The following KATNIP variants were observed in gnomAD, a reference collection of about 807,000 sequenced individuals.
KATNIP encodes katanin-interacting protein.
A neutral mutation model predicts 174.0 loss-of-function variants in KATNIP; 126 were observed. The observed-to-expected ratio is 0.72, with a 90% CI of 0.63 to 0.84. The LOEUF (loss-of-function observed/expected upper bound fraction) is 0.84. Ranked by LOEUF, KATNIP falls within the 40% of genes least tolerant of loss-of-function variation. The pLI, the probability that KATNIP is intolerant of heterozygous loss-of-function variation, is 0.00. For synonymous variants in KATNIP, 810 were observed against 835.7 expected (o/e 0.97, Z 0.53); for missense variants, 1,958 against 2,109.7 (o/e 0.93, Z 1.41).
At position 27,710,272 on chromosome 16, in the gene KATNIP, C is replaced by T. The variant is rs55865397; in HGVS notation, c.1605+1352C>T. The stretch of plus-strand genomic sequence containing the variant: ...CTACTTGAGGCTGAGCCAGGAGAGT[C>T]GCTTGAACCTGGGAGGGGAGGTTGC... On this transcript the variant is annotated intron_variant, in intron 13 of 27. Transcript: ENST00000261588. Among the ~76,000 whole-genome samples, 385 of 152,204 alleles carry T rather than the reference C, an allele frequency of 2.5e-3. 2 individuals are homozygous for T. Among genetic ancestry groups the T allele is most frequent in the African/African-American group, 8.8e-3 (365 of 41,518 alleles).
chr16:27,665,313 C>T (rs748785586), intron 6 of KATNIP, among the ~76,000 whole-genome samples: 10 of 151,752 alleles, frequency 6.6e-5, no homozygotes, highest in Non-Finnish European at 1.0e-4. Flanking sequence ...CCATGTTGGC[C>T]GTGCTAGTCT....
intron 3 of KATNIP, among the ~76,000 whole-genome samples, chr16:27,628,262 CA>C (rs901120196): frequency 2.6e-5 from 4 of 152,234 alleles, no homozygotes; most frequent in African/African-American, 7.2e-5. Context: ...TGTTACACAT[CA>C]AACAAAGTTT....
At position 27,637,227 on chromosome 16, in the gene KATNIP, T is replaced by C. The variant is rs2076663535; in HGVS notation, c.408+6065T>C. On this transcript the variant is annotated intron_variant, in intron 5 of 27. Coordinates refer to ENST00000261588, the MANE Select transcript of KATNIP (RefSeq NM_015202.5). This position sits in a 1 kb window ranked among gnomAD's most constrained non-coding sequence, Gnocchi z 4.7. The stretch of plus-strand genomic sequence containing the variant: ...GGGAGGGCAGCTCAGCCTGGAGGCC[T>C]CAGGGCTCTTCACTCTAGTATGTTC... Among the ~76,000 whole-genome samples the C allele has an allele frequency of 6.6e-6, 1 of 152,214 alleles. No homozygotes were observed. Among genetic ancestry groups the C allele is most frequent in the Non-Finnish European group, 1.5e-5 (1 of 68,026 alleles).
At chr16:27,616,273 G>A (rs1220504759) in intron 2 of KATNIP, among the ~76,000 whole-genome samples, 1 of 152,214 alleles carries the variant, frequency 6.6e-6, no homozygotes, top group Non-Finnish European at 1.5e-5. Context: ...TCAGGAGGCT[G>A]AGGCAGGAGA....
intron 6 of KATNIP, among the ~76,000 whole-genome samples, chr16:27,665,727 A>T (rs1432467796): frequency 6.6e-6 from 1 of 151,576 alleles, no homozygotes; most frequent in Non-Finnish European, 1.5e-5. Context: ...CGGCCTCCCA[A>T]GTAGCTGGGA....
Position 27,594,763 on chromosome 16 carries a change from A to G in KATNIP, c.63+20807A>G, listed in dbSNP as rs183009963. ...ACCGTGCCTGTCCAAAGCTAGGTTTAAATTCTAGCTCTGTGACTTCTCATT... is the reference window on the plus strand; with the variant it reads ...ACCGTGCCTGTCCAAAGCTAGGTTTGAATTCTAGCTCTGTGACTTCTCATT... On this transcript the variant is annotated intron_variant, in intron 2 of 27. Transcript: ENST00000261588. 1.7e-3 allele frequency among the ~76,000 whole-genome samples: 266 copies of G among 152,288 alleles called. 2 individuals carry two copies. The highest frequency in any genetic ancestry group is 0.017 in the Middle Eastern group (5 of 294).
chr16:27,665,598 T>C (rs2077652143), intron 6 of KATNIP, among the ~76,000 whole-genome samples: 1 of 151,228 alleles, frequency 6.6e-6, no homozygotes, highest in Admixed American at 6.6e-5. Context: ...CATGTCTGTG[T>C]TTTTATTATT....
At chr16:27,554,252 C>T (rs1351312280) in intron 1 of KATNIP, among the ~76,000 whole-genome samples, 3 of 152,104 alleles carry the variant, frequency 2.0e-5, no homozygotes, top group Non-Finnish European at 4.4e-5. Flanking sequence ...CACCTGAGGT[C>T]GGGAGTTTGA....
chr16:27,669,167 A>C, intron 6 of KATNIP: 1 of 452,672 alleles, frequency 2.2e-6, no homozygotes, highest in Non-Finnish European at 2.9e-6. Context: ...GCCTGATGTC[A>C]CTTTTCCTAG....
intron 2 of KATNIP, among the ~76,000 whole-genome samples, chr16:27,605,988 G>A (rs1055708509): frequency 6.6e-6 from 1 of 152,064 alleles, no homozygotes; most frequent in Non-Finnish European, 1.5e-5. Flanking sequence ...AAATTAGCTG[G>A]GCGTGGTGGC....
rs1311205107 is a variant in KATNIP, at chr16:27,777,066, T to C, written c.4551+37T>C. 2 of 1,338,696 alleles carry C rather than the reference T, an allele frequency of 1.5e-6. No individual in the cohort carries two copies. Among genetic ancestry groups the C allele is most frequent in the Non-Finnish European group, 2.1e-6 (2 of 933,576 alleles). The allele number at this position is 1,338,696 out of a possible 1,614,324, so 82.9% of individuals were successfully genotyped here. On this transcript the variant is annotated intron_variant, in intron 25 of 27. Transcript: ENST00000261588. The surrounding 1 kb of genome is among the most constrained non-coding windows in gnomAD (Gnocchi z 4.4). ...TTAGCTGAGTTTTTTGAGATAATTA[T>C]GCTCGTTGGTAATTAGGCCGCCGGC...
chr16:27,587,092 T>C (rs1165602321), intron 2 of KATNIP, among the ~76,000 whole-genome samples: 2 of 152,114 alleles, frequency 1.3e-5, no homozygotes, highest in African/African-American at 4.8e-5. Flanking sequence ...GCTCTACTAC[T>C]AGCTGTGTAG....
At chr16:27,749,474 G>A in intron 15 of KATNIP, 110 bp from the exon 16 acceptor site, 1 of 1,292,206 alleles carries the variant, frequency 7.7e-7, no homozygotes, top group South Asian at 1.6e-5. Flanking sequence ...GGGCTCCCCT[G>A]GAGGTGGCCC....
intron 14 of KATNIP, among the ~76,000 whole-genome samples, chr16:27,734,612 G>A (rs892978038): frequency 5.9e-5 from 9 of 152,076 alleles, no homozygotes; most frequent in Non-Finnish European, 8.8e-5. Context: ...CACGAGAATC[G>A]CTTGAACCTG....
rs1203657091 is a variant in KATNIP at position 27,777,989 on chromosome 16, C to T, written c.4801+20C>T. 1 of 1,609,250 alleles carries T rather than the reference C, an allele frequency of 6.2e-7. No homozygotes were observed. The highest frequency in any genetic ancestry group is 2.2e-5 in the East Asian group (1 of 44,848). Reference sequence around the variant, plus strand: ...ACCCAGGTCAGTGGCGTTTCTCTGCCCAGAGCATTGTGCCTTGGGAGCTCG... The same window carrying T: ...ACCCAGGTCAGTGGCGTTTCTCTGCTCAGAGCATTGTGCCTTGGGAGCTCG... On this transcript the variant is annotated intron_variant, in intron 27 of 27. Transcript: ENST00000261588. This position sits in a 1 kb window ranked among gnomAD's most constrained non-coding sequence, Gnocchi z 4.4.
At position 27,648,587 on chromosome 16, in the gene KATNIP, C is replaced by G. The variant is rs767944491; in HGVS notation, c.409-17C>G. On this transcript the variant is annotated splice_polypyrimidine_tract_variant and intron_variant, in intron 5 of 27. Transcript: ENST00000261588. ...CCTCATTCCACCTTATCTGAAATGG[C>G]CTGCATTTTTGTACAGAAATCTGTG... 3.1e-6 allele frequency: 5 copies of G among 1,613,798 alleles called. No individual in the cohort carries two copies. In the African/African-American group the frequency reaches 6.7e-5, roughly 22 times the overall value.
In KATNIP at chr16:27,657,066, T is replaced by C. The variant is rs146452249; in HGVS notation, c.540+8331T>C. ...ATGAAATTTGAGATGAACTATATTA[T>C]ATTAGATAATATTGTATTGATGTTA... On this transcript the variant is annotated intron_variant, in intron 6 of 27. Transcript: ENST00000261588. 7.6e-4 allele frequency among the ~76,000 whole-genome samples: 116 copies of C among 152,282 alleles called. 1 individual carries two copies. In the East Asian group the frequency reaches 0.02, roughly 27 times the overall value.
intron 2 of KATNIP, among the ~76,000 whole-genome samples, chr16:27,603,349 T>G (rs2075594715): frequency 6.6e-6 from 1 of 152,194 alleles, no homozygotes; most frequent in Non-Finnish European, 1.5e-5. Context: ...CTATTATTAT[T>G]TAAACGATAA....
chr16:27,713,407 CAT>C (rs1177386750), intron 13 of KATNIP, among the ~76,000 whole-genome samples: 1 of 151,842 alleles, frequency 6.6e-6, no homozygotes, highest in Non-Finnish European at 1.5e-5. Context: ...AAAATATCCA[CAT>C]GTCAAAGGCA....
Sources: allele counts gnomAD v4.1 joint callset (sites outside exome capture counted in the v4.1 genomes callset), GRCh38; gene constraint gnomAD v4.1.1; non-coding constraint Gnocchi (gnomAD v3.1); transcripts MANE v1.5; gene names NCBI Gene and HGNC (gene_info 2026-07-23, HGNC 2026-07-21).